Variants in WASF1 observed in about 807,000 individuals in gnomAD.
WASF1 encodes the protein actin-binding protein WASF1.
In WASF1, 7 loss-of-function variants were observed where a neutral mutation model predicts 50.5. The ratio of observed to expected loss-of-function variants is 0.14; its 90% CI spans 0.08 to 0.26. The LOEUF (loss-of-function observed/expected upper bound fraction) is 0.26, where lower values mean the gene tolerates loss of function less well. WASF1 is among the 10% of genes least tolerant of loss of function. The probability of loss-of-function intolerance (pLI) is 1.00; values close to 1 mark genes in which losing one functional copy is unlikely to be tolerated. For missense variants in WASF1, 470 were observed against 694.7 expected, an observed-to-expected ratio of 0.68 and a Z score of 3.64; for synonymous variants, 205 against 244.0, an observed-to-expected ratio of 0.84 and a Z score of 1.49.
intron 4 of WASF1, among the ~76,000 whole-genome samples, chr6:110,123,842 G>A (rs1283923387): frequency 6.6e-6 from 1 of 152,192 alleles, no homozygotes; most frequent in East Asian, 1.9e-4. Flanking sequence ...AATGCTAGGT[G>A]TAGATACAGA....
chr6:110,163,045 A>G (rs903262974), intron 2 of WASF1, among the ~76,000 whole-genome samples: 3 of 151,700 alleles, frequency 2.0e-5, no homozygotes, highest in Non-Finnish European at 4.4e-5. Flanking sequence ...GCATGGATAC[A>G]AGATTAATAT....
intron 3 of WASF1, among the ~76,000 whole-genome samples, chr6:110,138,251 G>C (rs1358308608): frequency 6.6e-6 from 1 of 152,240 alleles, no homozygotes; most frequent in African/African-American, 2.4e-5. Flanking sequence ...ACAGGAACCA[G>C]GGAACACTGT....
chr6:110,107,489 C>T (rs1348633025), intron 6 of WASF1, among the ~76,000 whole-genome samples: 1 of 152,128 alleles, frequency 6.6e-6, no homozygotes, highest in African/African-American at 2.4e-5. Flanking sequence ...GTCCTTTGGG[C>T]AATTCCAATA....
At chr6:110,150,871 A>G (rs1775792118) in intron 3 of WASF1, among the ~76,000 whole-genome samples, 2 of 152,104 alleles carry the variant, frequency 1.3e-5, no homozygotes, top group Non-Finnish European at 1.5e-5. Context: ...CCCCGTTTCT[A>G]CTAAAAATAC....
At chr6:110,151,910 T>C (rs997965019) in intron 3 of WASF1, among the ~76,000 whole-genome samples, 44 of 152,328 alleles carry the variant, frequency 2.9e-4, no homozygotes, top group Admixed American at 9.2e-4. Flanking sequence ...AACCATCCCA[T>C]TATATGCACA....
At chr6:110,165,532 T>G (rs982564197) in intron 2 of WASF1, among the ~76,000 whole-genome samples, 4 of 151,742 alleles carry the variant, frequency 2.6e-5, no homozygotes, top group African/African-American at 7.2e-5. Flanking sequence ...TATTCAGATG[T>G]CTGTTGCCTT....
At chr6:110,106,168 C>T (rs1773315371) in intron 7 of WASF1, among the ~76,000 whole-genome samples, 1 of 152,250 alleles carries the variant, frequency 6.6e-6, no homozygotes, top group Non-Finnish European at 1.5e-5. Flanking sequence ...CCCAAAGCGG[C>T]CAAGCGGATA....
At chr6:110,171,612 C>T (rs148031254) in intron 2 of WASF1, among the ~76,000 whole-genome samples, 15 of 151,882 alleles carry the variant, frequency 9.9e-5, no homozygotes, top group African/African-American at 2.7e-4. Context: ...ATTCAGGACA[C>T]GGGCATGGGC....
intron 4 of WASF1, among the ~76,000 whole-genome samples, chr6:110,116,527 A>T (rs1317286511): frequency 6.6e-6 from 1 of 152,086 alleles, no homozygotes; most frequent in Non-Finnish European, 1.5e-5. Context: ...AGTGTAAACA[A>T]AGAGGCCGGT....
At chr6:110,101,566 T>C (rs531228926) in intron 10 of WASF1, 22 bp downstream of exon 10, 2 of 1,586,850 alleles carry the variant, frequency 1.3e-6, no homozygotes, top group Middle Eastern at 1.8e-4. Flanking sequence ...AGCAATGCTT[T>C]TCATGGAGCT....
chr6:110,133,071 T>C (rs73535821), intron 3 of WASF1, among the ~76,000 whole-genome samples: 35,119 of 151,350 alleles, frequency 0.23, 6,187 homozygotes, highest in African/African-American at 0.5. Flanking sequence ...TATGACTGTA[T>C]GTAAGGTAAC....
intron 3 of WASF1, 56 bp from the exon 4 acceptor site, chr6:110,127,685 G>C: frequency 7.3e-7 from 1 of 1,377,290 alleles, no homozygotes; most frequent in Non-Finnish European, 9.5e-7. Context: ...CACAGAATGA[G>C]ACTTTATTTT....
intron 2 of WASF1, among the ~76,000 whole-genome samples, chr6:110,170,692 A>G (rs570855446): frequency 1.3e-3 from 203 of 152,252 alleles, no homozygotes; most frequent in African/African-American, 3.8e-3. Context: ...ACCTAACTAT[A>G]TATTGTATAC....
chr6:110,100,605 T>C lies in WASF1; in HGVS notation c.1597A>G (p.Thr533Ala). The C allele has an allele frequency of 6.2e-7, 1 of 1,613,860 alleles. No individual in the cohort carries two copies. The highest frequency in any genetic ancestry group is 2.2e-5 in the East Asian group (1 of 44,818). Residue 533 changes from threonine (T) to alanine (A), a missense_variant, in exon 11 of 11, where the codon ACC becomes GCC. Thr to Ala is a moderately conservative substitution (Grantham distance 58). Coordinates refer to ENST00000392589, the MANE Select transcript of WASF1 (RefSeq NM_003931.3). ...ACAGCAATACGGCGAGACAGGATGG[T>C]GGCAACATCGTTTTCAATGCGTTCA... ...KHERIENDVA[T>A]ILSRRIAVEY...
At chr6:110,139,676 T>A (rs148250229) in intron 3 of WASF1, among the ~76,000 whole-genome samples, 17 of 152,210 alleles carry the variant, frequency 1.1e-4, no homozygotes, top group Admixed American at 2.0e-4. Flanking sequence ...ACCAATTCAA[T>A]CCATCCCACA....
intron 4 of WASF1, among the ~76,000 whole-genome samples, chr6:110,124,233 C>CCT (rs1296903317): frequency 1.5e-4 from 6 of 41,258 alleles, no homozygotes; most frequent in East Asian, 8.9e-4. Context: ...TCTCCTCTCT[C>CCT]TCCTCTCTCT....
chr6:110,106,532 A>C (rs1244445039), intron 7 of WASF1, among the ~76,000 whole-genome samples: 1 of 152,256 alleles, frequency 6.6e-6, no homozygotes, highest in Non-Finnish European at 1.5e-5. Context: ...CATTAACATG[A>C]AATATAAAGC....
intron 4 of WASF1, among the ~76,000 whole-genome samples, chr6:110,123,243 T>C (rs546108130): frequency 6.6e-6 from 1 of 151,932 alleles, no homozygotes; most frequent in Non-Finnish European, 1.5e-5. Flanking sequence ...CCAAGATTCA[T>C]CAAAGACCTA....
rs1416875818 is a variant in WASF1 at position 110,100,694 on chromosome 6, C to G, written c.1523-15G>C. The G allele has an allele frequency of 6.3e-7, 1 of 1,583,764 alleles. No homozygotes were observed. ...TAGCTGAATACCTGATACAGTGAAT[C>G]CAAACCATTCATTTAAATCAAAATA... On this transcript the variant is annotated splice_polypyrimidine_tract_variant and intron_variant, in intron 10 of 10. Transcript: ENST00000392589.
Sources: gnomAD v4.1 joint callset for allele counts (sites outside exome capture counted in the v4.1 genomes callset) on GRCh38, gnomAD v4.1.1 for gene constraint, MANE v1.5 for transcripts, NCBI Gene and HGNC (gene_info 2026-07-23, HGNC 2026-07-21) for gene names.